Variants in ZNF592 observed in about 807,000 individuals in gnomAD.
The protein encoded by ZNF592 is spinocerebellar ataxia, autosomal recessive 5.
A neutral mutation model predicts 80.3 loss-of-function variants in ZNF592; 11 were observed. The observed-to-expected ratio is 0.14, with a 90% CI of 0.09 to 0.23. ZNF592 has a LOEUF of 0.23. ZNF592 is among the 10% of genes least tolerant of loss of function. The pLI is 1.00. For missense variants in ZNF592, 1,420 were observed against 1,633.9 expected (o/e 0.87, Z 2.26); for synonymous variants, 646 against 640.3 (o/e 1.01, Z -0.13).
chr15:84,773,336 C>G (rs1238638544), intron 2 of ZNF592, among the ~76,000 whole-genome samples: 1 of 151,898 alleles, frequency 6.6e-6, no homozygotes, highest in Non-Finnish European at 1.5e-5. Context: ...CTCAGCCTCC[C>G]GAGTAGCTGG....
intron 10 of ZNF592, among the ~76,000 whole-genome samples, chr15:84,800,767 T>C (rs193202763): frequency 6.6e-6 from 1 of 152,306 alleles, no homozygotes; most frequent in African/African-American, 2.4e-5. Flanking sequence ...GCAATTCTGC[T>C]TCTAGGATTT....
intron 5 of ZNF592, among the ~76,000 whole-genome samples, chr15:84,797,057 G>A (rs1303391799): frequency 6.6e-6 from 1 of 152,072 alleles, no homozygotes; most frequent in Non-Finnish European, 1.5e-5. Flanking sequence ...TCTGCCTCCC[G>A]GGTTCAAGCA....
intron 1 of ZNF592, among the ~76,000 whole-genome samples, chr15:84,764,330 T>G (rs1462652675): frequency 6.6e-6 from 1 of 152,204 alleles, no homozygotes; most frequent in Non-Finnish European, 1.5e-5. Context: ...TGAAAGACAG[T>G]GTTTTAAGAG....
intron 10 of ZNF592, 131 bp downstream of exon 10, chr15:84,800,108 C>G (rs1963048518): frequency 2.8e-6 from 4 of 1,404,332 alleles, no homozygotes; most frequent in Admixed American, 1.8e-5. Context: ...GGGTCACTCT[C>G]TAGTCCTGTG....
At chr15:84,762,429 A>G (rs148543825) in intron 1 of ZNF592, among the ~76,000 whole-genome samples, 2 of 152,304 alleles carry the variant, frequency 1.3e-5, no homozygotes, top group African/African-American at 4.8e-5. Context: ...ATATCTGAGA[A>G]AAGAGCAATC....
chr15:84,776,400 GT>G (rs1962253119), intron 2 of ZNF592, among the ~76,000 whole-genome samples: 1 of 152,216 alleles, frequency 6.6e-6, no homozygotes, highest in South Asian at 2.1e-4. Context: ...AAGTTATTCT[GT>G]TGATTTTCTA....
chr15:84,790,771 G>A lies in ZNF592; in HGVS notation c.2287G>A (p.Ala763Thr), dbSNP rs749927395. ...TTTCTGTGCCCACCAGCGGATTCAT[G>A]CACACAAGTCCCCCTACTGCTGCCC... is the stretch of plus-strand genomic sequence containing the variant. The part of the protein sequence containing the change: ...CSFCAHQRIH[A>T]HKSPYCCPEC... The change falls in exon 5 of 11, where the codon GCA (alanine) becomes ACA (threonine). Residue 763 changes from alanine (A) to threonine (T), a missense_variant. Ala to Thr is a moderately conservative substitution (Grantham distance 58). Around this residue, in one of 7 missense-constraint regions of ZNF592, gnomAD observed 524 missense variants for 628.3 expected, o/e 0.83. Transcript: ENST00000560079. 1 of 1,614,198 alleles carries A rather than the reference G, an allele frequency of 6.2e-7. No individual in the cohort carries two copies. Among genetic ancestry groups the A allele is most frequent in the Non-Finnish European group, 8.5e-7 (1 of 1,180,038 alleles).
At chr15:84,796,490 A>G (rs1427006974) in intron 5 of ZNF592, among the ~76,000 whole-genome samples, 1 of 151,620 alleles carries the variant, frequency 6.6e-6, no homozygotes, top group Non-Finnish European at 1.5e-5. Flanking sequence ...GGGGAGACCT[A>G]TGTGTGTTCT....
At chr15:84,764,471 G>A (rs956155010) in intron 1 of ZNF592, among the ~76,000 whole-genome samples, 7 of 152,166 alleles carry the variant, frequency 4.6e-5, no homozygotes, top group African/African-American at 1.4e-4. Context: ...AACCCGGATG[G>A]AGTCTGTGCT....
rs776086463 is a variant in ZNF592 at position 84,784,719 on chromosome 15, A to G, written c.2044A>G (p.Lys682Glu). The change falls in exon 4 of 11, where the codon AAA (lysine) becomes GAA (glutamate). Residue 682 changes from lysine (K) to glutamate (E), a missense_variant. Physicochemically the swap from Lys to Glu is moderately conservative, Grantham distance 56. Coordinates refer to ENST00000560079, the MANE Select transcript of ZNF592 (RefSeq NM_014630.3). The surrounding 1 kb of genome is among the most constrained non-coding windows in gnomAD (Gnocchi z 5.8). ...PAAPAPSSSP[K>E]HGLTSGSASP... The stretch of plus-strand genomic sequence containing the variant: ...AGCCCCAGCCCCTTCATCCTCTCCC[A>G]AACATGGCCTCACTTCGGGCAGTGC... The G allele has an allele frequency of 2.5e-6, 4 of 1,614,022 alleles. No individual in the cohort carries two copies. Among genetic ancestry groups the G allele is most frequent in the African/African-American group, 1.3e-5 (1 of 75,000 alleles).
intron 2 of ZNF592, among the ~76,000 whole-genome samples, chr15:84,766,230 G>A (rs909950677): frequency 2.0e-4 from 31 of 152,164 alleles, no homozygotes; most frequent in African/African-American, 7.0e-4. Flanking sequence ...TCTTCCTCTT[G>A]CCCTGTGTTA....
intron 1 of ZNF592, among the ~76,000 whole-genome samples, chr15:84,759,868 G>A (rs770316455): frequency 6.6e-6 from 1 of 151,816 alleles, no homozygotes; most frequent in Non-Finnish European, 1.5e-5. Flanking sequence ...CTGGGACATA[G>A]GGTACAGCGT....
At chr15:84,772,737 CT>C (rs377535731) in intron 2 of ZNF592, among the ~76,000 whole-genome samples, 64 of 150,666 alleles carry the variant, frequency 4.2e-4, no homozygotes, top group African/African-American at 1.2e-3. Context: ...TTCAAGAAAA[CT>C]TTTTTTTTTC....
intron 2 of ZNF592, among the ~76,000 whole-genome samples, chr15:84,776,577 G>A (rs373439285): frequency 6.6e-6 from 1 of 152,026 alleles, no homozygotes; most frequent in Non-Finnish European, 1.5e-5. Context: ...CCAACATGGC[G>A]AAACCCCATC....
At chr15:84,763,764 A>G (rs1001252516) in intron 1 of ZNF592, among the ~76,000 whole-genome samples, 1 of 152,214 alleles carries the variant, frequency 6.6e-6, no homozygotes, top group Non-Finnish European at 1.5e-5. Context: ...GAGGGAATGC[A>G]GGATTAGAGT....
rs181663748 is a variant in ZNF592, at chr15:84,789,502, A to G, written c.2221-1203A>G. ...ACTTCTGTGTTTAATTTTCTGAGATACCACTGTACTATTTTCCACAGTAGA... is the reference window on the plus strand; with the variant it reads ...ACTTCTGTGTTTAATTTTCTGAGATGCCACTGTACTATTTTCCACAGTAGA... On this transcript the variant is annotated intron_variant, in intron 4 of 10. Coordinates refer to ENST00000560079, the MANE Select transcript of ZNF592 (RefSeq NM_014630.3). Among the ~76,000 whole-genome samples, 96 of 152,260 alleles carry G rather than the reference A, an allele frequency of 6.3e-4. 1 individual carries two copies. In the Middle Eastern group the frequency reaches 0.014, roughly 22 times the overall value.
At chr15:84,801,765 G>A in intron 10 of ZNF592, 98 bp from the exon 11 acceptor site, 1 of 1,584,506 alleles carries the variant, frequency 6.3e-7, no homozygotes, top group Non-Finnish European at 8.7e-7. Context: ...ACCCTGGCCT[G>A]GGTGGTGCTT....
At position 84,801,811 on chromosome 15, in the gene ZNF592, G is replaced by C. The variant is rs567978651; in HGVS notation, c.3274-52G>C. 176 of 1,613,796 alleles carry C rather than the reference G, an allele frequency of 1.1e-4. 2 individuals carry two copies. In the South Asian group the frequency reaches 1.8e-3, roughly 16 times the overall value. Reference sequence around the variant, plus strand: ...CTTGGGCTCATGGTTATGTCTAGGGGCTCATGTCCAGGGCTTGGCCTGGAC... The same window carrying C: ...CTTGGGCTCATGGTTATGTCTAGGGCCTCATGTCCAGGGCTTGGCCTGGAC... On this transcript the variant is annotated intron_variant, in intron 10 of 10. Coordinates refer to ENST00000560079, the MANE Select transcript of ZNF592 (RefSeq NM_014630.3).
At chr15:84,750,100 G>A (rs929723779) in intron 1 of ZNF592, among the ~76,000 whole-genome samples, 1 of 152,202 alleles carries the variant, frequency 6.6e-6, no homozygotes, top group South Asian at 2.1e-4. Flanking sequence ...TCAGGAGTTC[G>A]AGACCAGCCT....
Sources: allele counts gnomAD v4.1 joint callset (sites outside exome capture counted in the v4.1 genomes callset), GRCh38; gene constraint gnomAD v4.1.1; regional missense constraint gnomAD v4.1.1; non-coding constraint Gnocchi (gnomAD v3.1); transcripts MANE v1.5; gene names NCBI Gene and HGNC (gene_info 2026-07-23, HGNC 2026-07-21).